The following TRMT1L variants were observed in gnomAD, a reference collection of about 807,000 sequenced individuals.
TRMT1L encodes tRNA methyltransferase 1L, also known as tRNA (guanine(27)-N(2))-dimethyltransferase.
Under a neutral mutation model 81.6 loss-of-function variants are expected in TRMT1L, and 28 were observed. The ratio of observed to expected loss-of-function variants is 0.34; its 90% CI spans 0.25 to 0.47. The LOEUF is 0.47. Ranked by LOEUF, TRMT1L falls within the 20% of genes least tolerant of loss-of-function variation. TRMT1L has a pLI of 1.00. For missense variants in TRMT1L, 739 were observed against 877.1 expected (o/e 0.84, Z 1.99); for synonymous variants, 301 against 303.2 (o/e 0.99, Z 0.07).
Position 185,142,963 on chromosome 1 carries a change from AATT to A in TRMT1L, c.859+391_859+393del, listed in dbSNP as rs140625163. Among the ~76,000 whole-genome samples the A allele has an allele frequency of 3.2e-3, 493 of 152,276 alleles. 4 individuals carry two copies. The highest frequency in any genetic ancestry group is 0.011 in the African/African-American group (472 of 41,570). On this transcript the variant is annotated intron_variant, in intron 7 of 14. Transcript: ENST00000367506. ...ATTGGGCAAACAATTGATATTAAAG[AATT>A]ATTCTTTATTTTTAAAGTATGATGA...
At chr1:185,140,287 TAAC>T (rs930095538) in intron 7 of TRMT1L, 65 bp from the exon 8 acceptor site, 3 of 1,266,962 alleles carry the variant, frequency 2.4e-6, no homozygotes, top group Non-Finnish European at 1.1e-6. Context: ...AAAAATGGTA[TAAC>T]AACATTCAGT....
chr1:185,151,210 A>C (rs1185925421), intron 2 of TRMT1L, among the ~76,000 whole-genome samples: 1 of 152,174 alleles, frequency 6.6e-6, no homozygotes, highest in Non-Finnish European at 1.5e-5. Context: ...ATACAGCAAG[A>C]ATCATTAATA....
In TRMT1L at chr1:185,133,267, T is replaced by C. The variant is rs1192813003; in HGVS notation, c.1513+4339A>G. ...TTTTTGTAGAGACAGGGTCTTGCTA[T>C]GTTGCTCAGGCTGGTCTTGAACTCC... On this transcript the variant is annotated intron_variant, in intron 10 of 14. Coordinates refer to ENST00000367506, the MANE Select transcript of TRMT1L (RefSeq NM_030934.5). Among the ~76,000 whole-genome samples, 4 of 152,222 alleles carry C rather than the reference T, an allele frequency of 2.6e-5. No homozygotes were observed. The East Asian group carries it at 5.8e-4, about 22-fold the overall frequency.
At chr1:185,149,934 T>C (rs1403184482) in intron 3 of TRMT1L, among the ~76,000 whole-genome samples, 2 of 152,220 alleles carry the variant, frequency 1.3e-5, no homozygotes, top group Non-Finnish European at 2.9e-5. Flanking sequence ...AATTATCTTG[T>C]ATCCCACCAT....
intron 13 of TRMT1L, among the ~76,000 whole-genome samples, chr1:185,122,579 T>A (rs539600814): frequency 6.6e-6 from 1 of 152,180 alleles, no homozygotes; most frequent in Non-Finnish European, 1.5e-5. Flanking sequence ...CTTATTTATG[T>A]TTTACTTTAT....
In TRMT1L at chr1:185,120,520, C is replaced by A; in HGVS notation, c.1823-11G>T. On this transcript the variant is annotated splice_polypyrimidine_tract_variant and intron_variant, in intron 13 of 14. Coordinates refer to ENST00000367506, the MANE Select transcript of TRMT1L (RefSeq NM_030934.5). The stretch of plus-strand genomic sequence containing the variant: ...TACTTTTTCTCTTTCCTGCAACATA[C>A]ACATACAAAGTTAGCATGCTCTTAA... 6.4e-7 allele frequency: 1 copy of A among 1,560,190 alleles called. No individual in the cohort carries two copies. The highest frequency in any genetic ancestry group is 8.6e-7 in the Non-Finnish European group (1 of 1,159,158).
chr1:185,145,732 C>T (rs940719744), intron 4 of TRMT1L, among the ~76,000 whole-genome samples, 164 bp from the exon 5 acceptor site: 1 of 151,974 alleles, frequency 6.6e-6, no homozygotes, highest in Admixed American at 6.6e-5. Context: ...CCTGCATTTA[C>T]ATATACTTTT....
At chr1:185,138,044 A>G (rs1453189174) in intron 9 of TRMT1L, among the ~76,000 whole-genome samples, 1 of 152,156 alleles carries the variant, frequency 6.6e-6, no homozygotes, top group African/African-American at 2.4e-5. Flanking sequence ...TATCCTCTCA[A>G]TAGGGCAATA....
At position 185,137,765 on chromosome 1, in the gene TRMT1L, C is replaced by G; in HGVS notation, c.1354G>C (p.Val452Leu). The change falls in exon 10 of 15, where the codon GTA becomes CTA. Residue 452 changes from valine (V) to leucine (L), a missense_variant. Around this residue, in one of 4 missense-constraint regions of TRMT1L, gnomAD observed 331 missense variants for 462.2 expected, o/e 0.72. Transcript: ENST00000367506. ...TGTTCCAGAGCCACTGCAAACAGTA[C>G]TTCTATGCCTTTGTTGCATCGGGCT... The part of the protein sequence containing the change: ...AAARCNKGIE[V>L]LFAVALEHFV... 6.2e-7 allele frequency: 1 copy of G among 1,613,822 alleles called. No individual in the cohort carries two copies. The highest frequency in any genetic ancestry group is 8.5e-7 in the Non-Finnish European group (1 of 1,179,968).
At chr1:185,147,006 TTA>T (rs1222729182) in intron 4 of TRMT1L, among the ~76,000 whole-genome samples, 174 bp downstream of exon 4, 3 of 150,634 alleles carry the variant, frequency 2.0e-5, no homozygotes, top group African/African-American at 4.9e-5. Context: ...AATATAACAA[TTA>T]TTTTTTTTCA....
rs1463426990 is a variant in TRMT1L at position 185,118,736 on chromosome 1, A to G, written c.*1283T>C. The G allele has an allele frequency of 2.0e-5, 3 of 152,128 alleles. No homozygotes were observed. Among genetic ancestry groups the G allele is most frequent in the Admixed American group, 6.6e-5 (1 of 15,264 alleles). The allele number at this position is 152,128 out of a possible 1,614,324, so 9.4% of individuals were successfully genotyped here. ...TTGGGAATACGCTGTACTAGCACGAAGAGATTTTCCTTCATTTCTGCAAAA... is the reference window on the plus strand; with the variant it reads ...TTGGGAATACGCTGTACTAGCACGAGGAGATTTTCCTTCATTTCTGCAAAA... On this transcript the variant is annotated 3_prime_UTR_variant, in exon 15 of 15. Coordinates refer to ENST00000367506, the MANE Select transcript of TRMT1L (RefSeq NM_030934.5).
rs567748874 is a variant in TRMT1L, at chr1:185,149,307, T to TTC, written c.460+1071_460+1072insGA. 4.6e-5 allele frequency among the ~76,000 whole-genome samples: 7 copies of TTC among 150,694 alleles called. No individual in the cohort carries two copies. In the East Asian group the frequency reaches 1.4e-3, roughly 29 times the overall value. On this transcript the variant is annotated intron_variant, in intron 3 of 14. Coordinates refer to ENST00000367506, the MANE Select transcript of TRMT1L (RefSeq NM_030934.5). ...CCTGTTGATTCTTTTACTTCCTCTT[T>TTC]TTTTTTTTTTTTTAAGAAACAGAGT...
At chr1:185,156,456 G>T in intron 1 of TRMT1L, 22 bp downstream of exon 1, 4 of 1,613,828 alleles carry the variant, frequency 2.5e-6, no homozygotes, top group South Asian at 1.1e-5. Flanking sequence ...GCAGCAGAAA[G>T]ATCTGGGCCT....
intron 3 of TRMT1L, 129 bp from the exon 4 acceptor site, chr1:185,147,375 G>A (rs1009266550): frequency 9.0e-6 from 6 of 667,352 alleles, no homozygotes; most frequent in Non-Finnish European, 1.0e-5. Context: ...TTACTCAAAT[G>A]AGATTGCTTT....
intron 9 of TRMT1L, among the ~76,000 whole-genome samples, 171 bp from the exon 10 acceptor site, chr1:185,137,967 A>T (rs1652942118): frequency 6.6e-6 from 1 of 152,204 alleles, no homozygotes; most frequent in Non-Finnish European, 1.5e-5. Context: ...ACTTTTACAG[A>T]AATTGAAACA....
chr1:185,152,947 CG>C (rs1395847661), intron 1 of TRMT1L, among the ~76,000 whole-genome samples: 1 of 151,864 alleles, frequency 6.6e-6, no homozygotes, highest in African/African-American at 2.4e-5. Flanking sequence ...AGATACAAAT[CG>C]TAAGTAACAC....
chr1:185,142,723 A>G (rs11807127), intron 7 of TRMT1L, among the ~76,000 whole-genome samples: 141 of 152,232 alleles, frequency 9.3e-4, no homozygotes, highest in African/African-American at 3.3e-3. Flanking sequence ...AGATAGAAGA[A>G]CATGTTTTAT....
intron 3 of TRMT1L, 82 bp from the exon 4 acceptor site, chr1:185,147,328 A>G: frequency 2.0e-6 from 2 of 1,024,354 alleles, no homozygotes; most frequent in Non-Finnish European, 1.5e-6. Context: ...TTTATTTTAT[A>G]AGAATTGGTA....
At chr1:185,143,739 G>T (rs985363242) in intron 6 of TRMT1L, among the ~76,000 whole-genome samples, 167 bp downstream of exon 6, 1 of 151,706 alleles carries the variant, frequency 6.6e-6, no homozygotes, top group Non-Finnish European at 1.5e-5. Flanking sequence ...TAAAGACATC[G>T]GCTTGTTAGA....
Sources: allele counts gnomAD v4.1 joint callset (sites outside exome capture counted in the v4.1 genomes callset), GRCh38; gene constraint gnomAD v4.1.1; regional missense constraint gnomAD v4.1.1; transcripts MANE v1.5; gene names NCBI Gene and HGNC (gene_info 2026-07-23, HGNC 2026-07-21).